SYTL2: variants seen among roughly 807,000 people sequenced by gnomAD.
SYTL2 encodes the protein synaptotagmin like 2, also known as synaptotagmin-like protein 2.
Under a neutral mutation model 198.7 loss-of-function variants are expected in SYTL2, and 165 were observed. The observed-to-expected ratio is 0.83, with a 90% CI of 0.73 to 0.94. The LOEUF (loss-of-function observed/expected upper bound fraction) is 0.94, where lower values mean the gene tolerates loss of function less well. SYTL2 is among the 40% of genes least tolerant of loss of function. The probability of loss-of-function intolerance (pLI) is 0.00; values close to 1 mark genes in which losing one functional copy is unlikely to be tolerated. For missense variants in SYTL2, 2,835 were observed against 2,582.8 expected (o/e 1.10, Z -2.12); for synonymous variants, 966 against 917.7 (o/e 1.05, Z -0.95).
chr11:85,714,421 G>C lies in SYTL2; in HGVS notation c.5617C>G (p.Gln1873Glu). The C allele has an allele frequency of 1.2e-6, 2 of 1,612,544 alleles. No individual in the cohort carries two copies. Among genetic ancestry groups the C allele is most frequent in the Non-Finnish European group, 1.7e-6 (2 of 1,178,702 alleles). ...RMSKSVPAFL[Q>E]DESDDRETDT... ...ACAAAAGACAAACTTGCCTCATCTT[G>C]GAGAAATGCTGGAACAGACTTGCTC... Residue 1873 changes from glutamine (Q) to glutamate (E), a missense_variant, in exon 12 of 20, where the codon CAA becomes GAA. Coordinates refer to ENST00000359152, the MANE Select transcript of SYTL2 (RefSeq NM_206927.4).
At chr11:85,791,185 A>C (rs1269414110) in intron 1 of SYTL2, among the ~76,000 whole-genome samples, 4 of 150,688 alleles carry the variant, frequency 2.7e-5, no homozygotes, top group Admixed American at 2.6e-4. Flanking sequence ...AAAAAAAAAA[A>C]AAAAAAAAAA....
chr11:85,714,382 AT>A (rs1338941900), intron 12 of SYTL2, 30 bp downstream of exon 12: 1 of 1,553,700 alleles, frequency 6.4e-7, no homozygotes. Flanking sequence ...CTCTGTCTCC[AT>A]TTTTCTGAAG....
intron 7 of SYTL2, among the ~76,000 whole-genome samples, chr11:85,728,776 C>G (rs989475821): frequency 6.6e-6 from 1 of 152,112 alleles, no homozygotes; most frequent in Non-Finnish European, 1.5e-5. Context: ...AGAAAAATAA[C>G]TTTCAAATAA....
intron 18 of SYTL2, 130 bp from the exon 19 acceptor site, chr11:85,696,518 G>A: frequency 1.3e-6 from 1 of 768,360 alleles, no homozygotes; most frequent in South Asian, 1.7e-5. Flanking sequence ...TGGTGGTGGT[G>A]GTTTGGCAGA....
chr11:85,704,416 A>T (rs2084812255), intron 16 of SYTL2, among the ~76,000 whole-genome samples: 1 of 152,182 alleles, frequency 6.6e-6, no homozygotes, highest in Non-Finnish European at 1.5e-5. Context: ...GGAGAAAAAG[A>T]CAAATTCACA....
the SYTL2 span, among the ~76,000 whole-genome samples, chr11:85,826,955 A>G: frequency 2.0e-5 from 3 of 152,224 alleles, no homozygotes; most frequent in Admixed American, 6.5e-5. Context: ...TGCTCACACC[A>G]TAACCCTGAG....
At chr11:85,722,491 CT>C (rs2088491466) in intron 8 of SYTL2, among the ~76,000 whole-genome samples, 1 of 152,048 alleles carries the variant, frequency 6.6e-6, no homozygotes, top group Admixed American at 6.5e-5. Flanking sequence ...TTATTTAACG[CT>C]GCCTTTTTAG....
chr11:85,819,505 T>C, the SYTL2 span, among the ~76,000 whole-genome samples: 1 of 152,202 alleles, frequency 6.6e-6, no homozygotes, highest in South Asian at 2.1e-4. Context: ...TCTGCCCACA[T>C]GGCCTCTCAT....
intron 5 of SYTL2, among the ~76,000 whole-genome samples, chr11:85,736,823 C>T (rs998614527): frequency 2.0e-5 from 3 of 152,142 alleles, no homozygotes; most frequent in Non-Finnish European, 1.5e-5. Flanking sequence ...TATGCAAAGC[C>T]AGAGTCCTAC....
chr11:85,736,667 T>G (rs2090365464), intron 5 of SYTL2, 52 bp from the exon 6 acceptor site: 15 of 972,888 alleles, frequency 1.5e-5, no homozygotes. Context: ...TGACAGCAAC[T>G]CAGTGTTGGC....
intron 1 of SYTL2, among the ~76,000 whole-genome samples, chr11:85,776,129 C>T (rs28450318): frequency 0.057 from 8,724 of 152,254 alleles, 787 homozygotes; most frequent in African/African-American, 0.19. Context: ...TGCTTCCTCT[C>T]TTGCCAAGTG....
At position 85,727,511 on chromosome 11, in the gene SYTL2, A is replaced by T. The variant is rs1173533378; in HGVS notation, c.1847T>A (p.Met616Lys). Reference protein sequence around the residue: ...DNNVNIKSKFMNLSQKGTPKE... With the variant: ...DNNVNIKSKFKNLSQKGTPKE... ...TGGGGTGCCTTTTTGGGACAAATTC[A>T]TGAATTTGGATTTGATATTCACATT... is the stretch of plus-strand genomic sequence containing the variant. The change falls in exon 8 of 20, where the codon ATG (methionine) becomes AAG (lysine). Residue 616 changes from methionine (M) to lysine (K), a missense_variant. Physicochemically the swap from Met to Lys is moderately conservative, Grantham distance 95 (BLOSUM62 -1). Around this residue, in one of 3 missense-constraint regions of SYTL2, gnomAD observed 2,645 missense variants for 2,381.7 expected, o/e 1.11. Coordinates refer to ENST00000359152, the MANE Select transcript of SYTL2 (RefSeq NM_206927.4). 4.6e-6 allele frequency: 7 copies of T among 1,536,114 alleles called. No individual in the cohort carries two copies. Among genetic ancestry groups the T allele is most frequent in the African/African-American group, 2.7e-5 (2 of 73,156 alleles).
At chr11:85,849,594 T>C in the SYTL2 span, among the ~76,000 whole-genome samples, 1 of 151,442 alleles carries the variant, frequency 6.6e-6, no homozygotes, top group African/African-American at 2.4e-5. Context: ...ATCAGATAGT[T>C]GTAGATATGC....
chr11:85,833,927 C>T, the SYTL2 span, among the ~76,000 whole-genome samples: 1,358 of 151,782 alleles, frequency 8.9e-3, 21 homozygotes, highest in African/African-American at 0.032. Context: ...TTAGTAGAGA[C>T]GGGGTTTCGC....
At chr11:85,817,442 G>A in the SYTL2 span, among the ~76,000 whole-genome samples, 3 of 152,180 alleles carry the variant, frequency 2.0e-5, no homozygotes, top group South Asian at 6.2e-4. Context: ...ATTTTGTATT[G>A]ATTACATGTT....
chr11:85,826,093 G>A, the SYTL2 span, among the ~76,000 whole-genome samples: 7 of 152,210 alleles, frequency 4.6e-5, no homozygotes, highest in South Asian at 2.1e-4. Context: ...ATTACTCAAA[G>A]TGGAGTTCAT....
In SYTL2 at chr11:85,694,742, G is replaced by C. The variant is rs1329029081; in HGVS notation, c.*453C>G. 1 of 151,240 alleles carries C rather than the reference G, an allele frequency of 6.6e-6. No homozygotes were observed. Among genetic ancestry groups the C allele is most frequent in the East Asian group, 1.9e-4 (1 of 5,156 alleles). The allele number at this position is 151,240 out of a possible 1,614,324, so 9.4% of individuals were successfully genotyped here. A position where few individuals can be genotyped will look rare whatever the true frequency, so the allele number is the denominator to read the frequency against. On this transcript the variant is annotated 3_prime_UTR_variant, in exon 20 of 20. Transcript: ENST00000359152. ...TTTTTTTTTATCATCACTGATGTCT[G>C]TCTCCATTCCCTGCTCCACTTTGAG...
intron 14 of SYTL2, 130 bp downstream of exon 14, chr11:85,709,201 C>T (rs568766556): frequency 2.4e-6 from 2 of 845,686 alleles, no homozygotes; most frequent in East Asian, 2.4e-5. Flanking sequence ...ACAGCATTTC[C>T]CCCCAACTTT....
chr11:85,745,384 G>A (rs994982463), intron 4 of SYTL2, among the ~76,000 whole-genome samples: 7 of 152,156 alleles, frequency 4.6e-5, no homozygotes, highest in Admixed American at 1.3e-4. Context: ...GCTCTTGCTG[G>A]TACTGGAAGA....
Sources: gnomAD v4.1 joint callset for allele counts (sites outside exome capture counted in the v4.1 genomes callset) on GRCh38, gnomAD v4.1.1 for gene constraint, gnomAD v4.1.1 regional missense constraint, MANE v1.5 for transcripts, NCBI Gene and HGNC (gene_info 2026-07-23, HGNC 2026-07-21) for gene names.